The following LMO7 variants were observed in gnomAD, a reference collection of about 807,000 sequenced individuals.
LMO7 encodes LIM domain only protein 7.
Under a neutral mutation model 206.5 loss-of-function variants are expected in LMO7, and 120 were observed. That is an observed-to-expected ratio of 0.58 (90% CI 0.50 to 0.68). The LOEUF (loss-of-function observed/expected upper bound fraction) is 0.68. Among genes scored for constraint, LMO7 ranks in the 30% least tolerant of loss-of-function variants. The pLI is 0.00. For synonymous variants in LMO7, 706 were observed against 681.5 expected (o/e 1.04, Z -0.56); for missense variants, 1,959 against 1,957.9 (o/e 1.00, Z -0.01).
At chr13:75,674,314 A>G (rs753132079) in intron 1 of LMO7, among the ~76,000 whole-genome samples, 3 of 152,246 alleles carry the variant, frequency 2.0e-5, no homozygotes, top group Non-Finnish European at 2.9e-5. Context: ...GGAAACATTT[A>G]TTCATCCTTA....
chr13:75,736,529 A>C (rs2139004055), intron 3 of LMO7, among the ~76,000 whole-genome samples: 1 of 152,360 alleles, frequency 6.6e-6, no homozygotes, highest in East Asian at 1.9e-4. Flanking sequence ...TTGAATGCCT[A>C]CTAGGTTGAA....
intron 11 of LMO7, among the ~76,000 whole-genome samples, chr13:75,810,490 G>T (rs1416311096): frequency 2.0e-5 from 3 of 152,130 alleles, no homozygotes; most frequent in Admixed American, 6.6e-5. Context: ...AAAAACCAGG[G>T]TCCCTGCATG....
intron 1 of LMO7, among the ~76,000 whole-genome samples, chr13:75,662,436 A>T (rs890021691): frequency 6.6e-6 from 1 of 152,172 alleles, no homozygotes; most frequent in African/African-American, 2.4e-5. Flanking sequence ...CTCCCACCTC[A>T]GCCTCCAGAG....
At chr13:75,852,198 G>T (rs1488751716) in intron 27 of LMO7, among the ~76,000 whole-genome samples, 1 of 152,010 alleles carries the variant, frequency 6.6e-6, no homozygotes, top group Non-Finnish European at 1.5e-5. Flanking sequence ...TTTCTTCTGT[G>T]GTTGGTATTT....
chr13:75,773,403 T>C (rs2049994468), intron 4 of LMO7, among the ~76,000 whole-genome samples: 1 of 152,076 alleles, frequency 6.6e-6, no homozygotes, highest in South Asian at 2.1e-4. Flanking sequence ...AATGCTAAAA[T>C]CAGAGACTTA....
In LMO7 at chr13:75,681,450, G is replaced by A. The variant is rs919832884; in HGVS notation, c.70-31732G>A. Reference sequence around the variant, plus strand: ...AACTCATCCTTTTAAATTGAAATATGATTTACAGTAAAATTTATCCTTTTT... The same window carrying A: ...AACTCATCCTTTTAAATTGAAATATAATTTACAGTAAAATTTATCCTTTTT... On this transcript the variant is annotated intron_variant, in intron 1 of 30. Coordinates refer to ENST00000377534, the MANE Select transcript of LMO7 (RefSeq NM_001306080.2). Among the ~76,000 whole-genome samples, 13 of 151,982 alleles carry A rather than the reference G, an allele frequency of 8.6e-5. No individual in the cohort carries two copies. In the South Asian group the frequency reaches 2.1e-3, roughly 24 times the overall value.
chr13:75,798,242 T>C (rs1361316409), intron 6 of LMO7, among the ~76,000 whole-genome samples: 1 of 152,162 alleles, frequency 6.6e-6, no homozygotes, highest in African/African-American at 2.4e-5. Flanking sequence ...TGGTGATACA[T>C]GCCTGTAATC....
rs1224215625 is a variant in LMO7, at chr13:75,727,094, G to T, written c.206G>T (p.Gly69Val). 1.4e-5 allele frequency: 22 copies of T among 1,559,794 alleles called. No homozygotes were observed. The highest frequency in any genetic ancestry group is 2.3e-5 in the East Asian group (1 of 44,286). ...AATAGACTGTCTACACCAATAGCAG[G>T]ATTGGTAAGTAGTAAATTATCTTCA... ...KINRLSTPIAGLDNINVFLKA... is the reference protein window; with the variant it reads ...KINRLSTPIAVLDNINVFLKA... Residue 69 changes from glycine to valine, a missense_variant, in exon 3 of 31, where the codon GGA (glycine) becomes GTA (valine). Transcript: ENST00000377534.
rs1270207162 is a variant in LMO7 at position 75,681,718 on chromosome 13, G to GTGTATATATATA, written c.70-31463_70-31462insGTATATATATAT. 2.3e-4 allele frequency among the ~76,000 whole-genome samples: 24 copies of GTGTATATATATA among 104,558 alleles called. No homozygotes were observed. The South Asian group carries it at 2.8e-3, about 12-fold the overall frequency. The allele number at this position is 104,558 out of a possible 152,430, so 68.6% of individuals were successfully genotyped here. Reference sequence around the variant, plus strand: ...TATGTATGTATGTGTATATATATATGTATATATATATATATATATATATAT... The same window carrying GTGTATATATATA: ...TATGTATGTATGTGTATATATATATGTGTATATATATATATATATATATATATATATATATAT... On this transcript the variant is annotated intron_variant, in intron 1 of 30. Coordinates refer to ENST00000377534, the MANE Select transcript of LMO7 (RefSeq NM_001306080.2).
At chr13:75,766,614 A>C (rs1329018578) in intron 4 of LMO7, among the ~76,000 whole-genome samples, 1 of 152,212 alleles carries the variant, frequency 6.6e-6, no homozygotes, top group Non-Finnish European at 1.5e-5. Context: ...ATAAATGCAC[A>C]GATTTCTCTG....
chr13:75,676,832 A>G (rs1425887269), intron 1 of LMO7, among the ~76,000 whole-genome samples: 1 of 152,188 alleles, frequency 6.6e-6, no homozygotes, highest in Non-Finnish European at 1.5e-5. Context: ...CAGTTCTTTG[A>G]TGATTGCACA....
chr13:75,765,777 C>A (rs1473509266), intron 4 of LMO7, among the ~76,000 whole-genome samples: 2 of 152,076 alleles, frequency 1.3e-5, no homozygotes, highest in African/African-American at 4.8e-5. Flanking sequence ...TTGTCTATAT[C>A]TGTTTTTCTC....
At chr13:75,725,829 A>G (rs2044422640) in intron 2 of LMO7, among the ~76,000 whole-genome samples, 1 of 152,092 alleles carries the variant, frequency 6.6e-6, no homozygotes, top group Non-Finnish European at 1.5e-5. Flanking sequence ...TCACCAAACT[A>G]GATCTTCATA....
chr13:75,732,813 C>T (rs2045386192), intron 3 of LMO7, among the ~76,000 whole-genome samples: 1 of 152,060 alleles, frequency 6.6e-6, no homozygotes, highest in Admixed American at 6.6e-5. Flanking sequence ...TGTGGATGTC[C>T]TTTCTGTTTG....
intron 1 of LMO7, among the ~76,000 whole-genome samples, chr13:75,673,062 A>G (rs1267465184): frequency 6.6e-6 from 1 of 152,054 alleles, no homozygotes; most frequent in Non-Finnish European, 1.5e-5. Flanking sequence ...AAATTATCCT[A>G]GTTTCTTTAG....
At position 75,680,356 on chromosome 13, in the gene LMO7, C is replaced by T. The variant is rs1344012693; in HGVS notation, c.70-32826C>T. 3.9e-5 allele frequency among the ~76,000 whole-genome samples: 6 copies of T among 152,314 alleles called. No homozygotes were observed. In the East Asian group the frequency reaches 9.6e-4, roughly 24 times the overall value. On this transcript the variant is annotated intron_variant, in intron 1 of 30. Transcript: ENST00000377534. The stretch of plus-strand genomic sequence containing the variant: ...CTATTGTAAACAGTGCTGCAGTGAA[C>T]ATATGTGTGCATGTATCCTTATAAT...
At chr13:75,639,258 T>C (rs2036274508) in intron 1 of LMO7, among the ~76,000 whole-genome samples, 1 of 152,206 alleles carries the variant, frequency 6.6e-6, no homozygotes, top group African/African-American at 2.4e-5. Flanking sequence ...TTCTGCCAAT[T>C]ATGATCACTT....
chr13:75,681,718 G>GTATGTATATATATA (rs1555293391), intron 1 of LMO7, among the ~76,000 whole-genome samples: 8 of 104,562 alleles, frequency 7.7e-5, no homozygotes, highest in East Asian at 2.7e-4. Flanking sequence ...ATATATATAT[G>GTATGTATATATATA]TATATATATA....
chr13:75,760,679 T>C (rs2048098055), intron 3 of LMO7: 2 of 1,519,756 alleles, frequency 1.3e-6, no homozygotes, highest in Non-Finnish European at 1.8e-6. Flanking sequence ...ATGTTTAACG[T>C]GCCAGTCACA....
Sources: allele counts gnomAD v4.1 joint callset (sites outside exome capture counted in the v4.1 genomes callset), GRCh38; gene constraint gnomAD v4.1.1; transcripts MANE v1.5; gene names NCBI Gene and HGNC (gene_info 2026-07-23, HGNC 2026-07-21).